PIGN: variants seen among roughly 807,000 people sequenced by gnomAD.
PIGN encodes phosphatidylinositol glycan anchor biosynthesis class N.
Under a neutral mutation model 125.4 loss-of-function variants are expected in PIGN, and 117 were observed. That is an observed-to-expected ratio of 0.93 (90% CI 0.80 to 1.09). The LOEUF (loss-of-function observed/expected upper bound fraction) is 1.09. Among genes scored for constraint, PIGN ranks in the 50% least tolerant of loss-of-function variants. The pLI, the probability that PIGN is intolerant of heterozygous loss-of-function variation, is 0.00. For missense variants in PIGN, 1,075 were observed against 1,094.9 expected, an observed-to-expected ratio of 0.98 and a Z score of 0.26; for synonymous variants, 392 against 377.8, an observed-to-expected ratio of 1.04 and a Z score of -0.44.
chr18:62,036,986 T>A (rs534029368), downstream of PIGN, among the ~76,000 whole-genome samples: 2 of 152,320 alleles, frequency 1.3e-5, no homozygotes, highest in South Asian at 2.1e-4. Context: ...TGTCTTATAC[T>A]TTGTATCCCC....
chr18:62,084,343 T>G (rs2033588057), intron 27 of PIGN, among the ~76,000 whole-genome samples, 188 bp downstream of exon 27: 1 of 152,204 alleles, frequency 6.6e-6, no homozygotes. Flanking sequence ...TGAAGTCAAA[T>G]GCACTTATGA....
At chr18:62,178,109 A>G (rs749792265) in intron 1 of PIGN, among the ~76,000 whole-genome samples, 1 of 152,178 alleles carries the variant, frequency 6.6e-6, no homozygotes, top group Non-Finnish European at 1.5e-5. Context: ...CAACCACAGT[A>G]TTTTAAGAAC....
chr18:62,175,336 C>T (rs139879558), intron 1 of PIGN, among the ~76,000 whole-genome samples: 1 of 152,002 alleles, frequency 6.6e-6, no homozygotes, highest in Non-Finnish European at 1.5e-5. Flanking sequence ...TAGAACATTT[C>T]ACTTGTTCAC....
At chr18:62,185,421 T>A (rs900842184) in intron 1 of PIGN, among the ~76,000 whole-genome samples, 1 of 152,136 alleles carries the variant, frequency 6.6e-6, no homozygotes, top group African/African-American at 2.4e-5. Context: ...ACTTTTTTTT[T>A]AAACTTCTAG....
chr18:62,032,209 A>T (rs1351785089), intron 23 of PIGN, among the ~76,000 whole-genome samples: 1 of 152,216 alleles, frequency 6.6e-6, no homozygotes, highest in Non-Finnish European at 1.5e-5. Flanking sequence ...GCTGGGGGCT[A>T]GGATGTGGAG....
At chr18:62,023,576 A>G (rs1430181457) in intron 23 of PIGN, among the ~76,000 whole-genome samples, 1 of 152,218 alleles carries the variant, frequency 6.6e-6, no homozygotes, top group African/African-American at 2.4e-5. Flanking sequence ...GGCTGTATCA[A>G]CAGTTCCACC....
intron 1 of PIGN, among the ~76,000 whole-genome samples, chr18:62,173,879 G>A (rs969198149): frequency 1.3e-5 from 2 of 152,048 alleles, no homozygotes; most frequent in African/African-American, 4.8e-5. Context: ...CAACAAATAG[G>A]TGGCAAAAGC....
intron 23 of PIGN, among the ~76,000 whole-genome samples, chr18:62,024,721 C>T (rs893456069): frequency 3.3e-5 from 5 of 152,148 alleles, no homozygotes; most frequent in Non-Finnish European, 7.3e-5. Flanking sequence ...GGTACAGTGG[C>T]TCACGTCTGT....
At chr18:62,109,128 T>C (rs1008494108) in intron 17 of PIGN, among the ~76,000 whole-genome samples, 7 of 152,112 alleles carry the variant, frequency 4.6e-5, no homozygotes, top group Non-Finnish European at 8.8e-5. Context: ...GGTGTAAAAA[T>C]AGAAACCAAT....
rs773845640 is a variant in PIGN, at chr18:62,147,095, G to A, written c.681C>T (p.Tyr227=). 4 of 1,595,800 alleles carry A rather than the reference G, an allele frequency of 2.5e-6. No individual in the cohort carries two copies. In the East Asian group the frequency reaches 9.0e-5, roughly 36 times the overall value. Residue 227 remains tyrosine (Y), a synonymous_variant, in exon 9 of 31, where the codon TAC becomes TAT. Coordinates refer to ENST00000640252, the MANE Select transcript of PIGN (RefSeq NM_176787.5). Reference sequence around the variant, plus strand: ...CATCAACTTTTTTAATATTGTGCTTGTAGTCTCTATTTGTAAAGAAACAGA... The same window carrying A: ...CATCAACTTTTTTAATATTGTGCTTATAGTCTCTATTTGTAAAGAAACAGA... The part of the protein sequence containing the change: ...GHAHRPSSRD[Y]KHNIKKVDDG...
downstream of PIGN, among the ~76,000 whole-genome samples, chr18:62,038,308 GTT>G (rs34436733): frequency 5.0e-5 from 6 of 120,096 alleles, no homozygotes; most frequent in South Asian, 3.0e-4. Context: ...CCCCCTCCGT[GTT>G]TTTTTTTTTT....
chr18:62,043,725 G>T lies in PIGN; in HGVS notation c.*2131C>A, dbSNP rs2030467457. 2 of 152,028 alleles carry T rather than the reference G, an allele frequency of 1.3e-5. No homozygotes were observed. Among genetic ancestry groups the T allele is most frequent in the African/African-American group, 2.4e-5 (1 of 41,388 alleles). 9.4% of individuals were successfully genotyped at this position (152,028 alleles called of 1,614,324 possible). A position where few individuals can be genotyped will look rare whatever the true frequency, so the allele number is the denominator to read the frequency against. ...CTAAAGCCTTAGGATTCCCTCTAAG[G>T]TTTATTCATGGGCCCTCTAAGATGA... is the stretch of plus-strand genomic sequence containing the variant. On this transcript the variant is annotated 3_prime_UTR_variant, in exon 31 of 31. Coordinates refer to ENST00000640252, the MANE Select transcript of PIGN (RefSeq NM_176787.5).
intron 30 of PIGN, chr18:62,070,138 G>A: frequency 3.0e-6 from 1 of 337,162 alleles, no homozygotes; most frequent in Non-Finnish European, 5.3e-6. Flanking sequence ...CATTCAAAAT[G>A]ACTACAAGAG....
At chr18:62,167,666 G>A (rs1344413307) in intron 1 of PIGN, among the ~76,000 whole-genome samples, 2 of 134,944 alleles carry the variant, frequency 1.5e-5, no homozygotes, top group Non-Finnish European at 1.6e-5. Context: ...AAAGTTATAT[G>A]TCTCCATAAC....
chr18:62,121,535 G>C (rs530874060), intron 14 of PIGN, among the ~76,000 whole-genome samples: 103 of 152,166 alleles, frequency 6.8e-4, no homozygotes, highest in African/African-American at 2.4e-3. Context: ...ACCTTTTGCA[G>C]GGAATTCTAT....
rs906586965 is a variant in PIGN, at chr18:62,152,291, CT to C, written c.549+2253del. 2.6e-3 allele frequency among the ~76,000 whole-genome samples: 386 copies of C among 147,880 alleles called. 5 individuals are homozygous for C. The highest frequency in any genetic ancestry group is 8.8e-3 in the African/African-American group (353 of 40,242). On this transcript the variant is annotated intron_variant, in intron 7 of 30. Coordinates refer to ENST00000640252, the MANE Select transcript of PIGN (RefSeq NM_176787.5). ...AGAGAGAATAGGTTGTAAAATGTTTCTTTTTTTTTTAATTTTATTATTATTA... is the reference window on the plus strand; with the variant it reads ...AGAGAGAATAGGTTGTAAAATGTTTCTTTTTTTTTAATTTTATTATTATTA...
chr18:62,035,409 TG>T (rs2030246077), intron 23 of PIGN, among the ~76,000 whole-genome samples: 1 of 152,212 alleles, frequency 6.6e-6, no homozygotes, highest in African/African-American at 2.4e-5. Context: ...AACAAAACAT[TG>T]TAACTCAATA....
At position 62,114,647 on chromosome 18, in the gene PIGN, T is replaced by TA. The variant is rs747759182; in HGVS notation, c.1173-9dup. On this transcript the variant is annotated splice_polypyrimidine_tract_variant and intron_variant, in intron 14 of 30. Transcript: ENST00000640252. ...TTGGAATCAGAAAGCAGTCTATATA[T>TA]AAAAAAAAGAATAGGTTTAAAGGGT... 133 of 1,370,422 alleles carry TA rather than the reference T, an allele frequency of 9.7e-5. No homozygotes were observed. The highest frequency in any genetic ancestry group is 1.9e-4 in the Middle Eastern group (1 of 5,252). The allele number at this position is 1,370,422 out of a possible 1,614,324, so 84.9% of individuals were successfully genotyped here. A position where few individuals can be genotyped will look rare whatever the true frequency, so the allele number is the denominator to read the frequency against.
intron 11 of PIGN, 67 bp from the exon 12 acceptor site, chr18:62,140,546 G>A (rs1568220746): frequency 2.6e-6 from 2 of 756,948 alleles, no homozygotes; most frequent in Admixed American, 2.5e-5. Context: ...ATAATGTAAT[G>A]CAACCATATT....
Sources: allele counts gnomAD v4.1 joint callset (sites outside exome capture counted in the v4.1 genomes callset), GRCh38; gene constraint gnomAD v4.1.1; transcripts MANE v1.5; gene names NCBI Gene and HGNC (gene_info 2026-07-23, HGNC 2026-07-21).